Variants in OTOGL observed in about 807,000 individuals in gnomAD.
OTOGL encodes otogelin like, also known as otogelin-like protein.
Under a neutral mutation model 318.5 loss-of-function variants are expected in OTOGL, and 285 were observed. The observed-to-expected ratio is 0.89, with a 90% CI of 0.81 to 0.99. The LOEUF is 0.99. Among genes scored for constraint, OTOGL ranks in the 50% least tolerant of loss-of-function variants. The pLI, the probability that OTOGL is intolerant of heterozygous loss-of-function variation, is 0.00. For missense variants in OTOGL, 2,899 were observed against 2,845.6 expected, an observed-to-expected ratio of 1.02 and a Z score of -0.43; for synonymous variants, 987 against 936.5, an observed-to-expected ratio of 1.05 and a Z score of -0.99.
chr12:80,228,929 T>C (rs1367943808), intron 7 of OTOGL, among the ~76,000 whole-genome samples: 1 of 152,142 alleles, frequency 6.6e-6, no homozygotes, highest in Admixed American at 6.6e-5. Context: ...GGATGACAAA[T>C]GTGCTTCTTT....
chr12:80,308,005 C>T (rs1290320378), intron 29 of OTOGL, among the ~76,000 whole-genome samples: 2 of 140,106 alleles, frequency 1.4e-5, no homozygotes, highest in African/African-American at 5.5e-5. Flanking sequence ...CGGGCAGAGG[C>T]GCCCCTCACC....
chr12:80,368,386 C>CCA (rs1890683948), intron 55 of OTOGL, 77 bp downstream of exon 55: 2 of 874,856 alleles, frequency 2.3e-6, no homozygotes, highest in South Asian at 1.6e-5. Flanking sequence ...GAAAATGTCC[C>CCA]CCCCCACACA....
chr12:80,153,493 T>C (rs1285478715), intron 1 of OTOGL, among the ~76,000 whole-genome samples: 2 of 152,222 alleles, frequency 1.3e-5, no homozygotes, highest in Non-Finnish European at 2.9e-5. Flanking sequence ...TCTCTCATTA[T>C]CAACATCCCC....
chr12:80,121,896 A>G (rs1378965858), intron 1 of OTOGL, among the ~76,000 whole-genome samples: 1 of 152,310 alleles, frequency 6.6e-6, no homozygotes, highest in South Asian at 2.1e-4. Context: ...GCTGAGGAGT[A>G]AGAATGCAAG....
chr12:80,335,676 C>CA (rs56377483), intron 38 of OTOGL, among the ~76,000 whole-genome samples: 2 of 151,640 alleles, frequency 1.3e-5, no homozygotes, highest in East Asian at 1.9e-4. Context: ...AATTTGCTTG[C>CA]AAAAAAACTA....
At chr12:80,111,148 A>G (rs1350038307) in intron 1 of OTOGL, among the ~76,000 whole-genome samples, 1 of 152,150 alleles carries the variant, frequency 6.6e-6, no homozygotes, top group Admixed American at 6.5e-5. Context: ...GATTCTGGTT[A>G]TTAGACTTTT....
chr12:80,237,633 G>T (rs1426484388), intron 9 of OTOGL, among the ~76,000 whole-genome samples: 1 of 151,982 alleles, frequency 6.6e-6, no homozygotes, highest in African/African-American at 2.4e-5. Context: ...GATATATGAG[G>T]GGCAGAGCGG....
chr12:80,313,696 G>A, intron 31 of OTOGL, 64 bp downstream of exon 31: 1 of 1,352,638 alleles, frequency 7.4e-7, no homozygotes, highest in Non-Finnish European at 9.9e-7. Context: ...ATTAATTGTT[G>A]ATTTAGCTTA....
At chr12:80,249,539 C>T (rs1057058206) in intron 11 of OTOGL, among the ~76,000 whole-genome samples, 8 of 151,826 alleles carry the variant, frequency 5.3e-5, no homozygotes, top group South Asian at 2.1e-4. Flanking sequence ...TCTCCAGCTG[C>T]GTGCTGGGAG....
chr12:80,198,909 G>T (rs925427092), intron 1 of OTOGL, among the ~76,000 whole-genome samples: 1 of 152,104 alleles, frequency 6.6e-6, no homozygotes, highest in African/African-American at 2.4e-5. Flanking sequence ...GTGGTTTCCT[G>T]TGGCTGTTTT....
At chr12:80,116,406 T>A (rs1292608357) in intron 1 of OTOGL, among the ~76,000 whole-genome samples, 2 of 152,010 alleles carry the variant, frequency 1.3e-5, no homozygotes, top group South Asian at 2.1e-4. Context: ...CCCAGTGAGA[T>A]GAACTGGGTA....
rs1209930961 is a variant in OTOGL, at chr12:80,378,416, A to G, written c.*368A>G. On this transcript the variant is annotated 3_prime_UTR_variant, in exon 59 of 59. Transcript: ENST00000547103. ...TTAATTTGCAAAGTCTGCTATAGCTATCCAAATTAAGGTACCCTTTAATAT... is the reference window on the plus strand; with the variant it reads ...TTAATTTGCAAAGTCTGCTATAGCTGTCCAAATTAAGGTACCCTTTAATAT... 1.1e-5 allele frequency: 2 copies of G among 179,862 alleles called. No homozygotes were observed. The highest frequency in any genetic ancestry group is 2.9e-4 in the East Asian group (2 of 6,966). The allele number at this position is 179,862 out of a possible 1,614,324, so 11.1% of individuals were successfully genotyped here.
In OTOGL at chr12:80,313,527, A is replaced by C. The variant is rs1256165800; in HGVS notation, c.3502A>C (p.Asn1168His). The stretch of plus-strand genomic sequence containing the variant: ...TTGTCATGAAGATACATGTAACTGC[A>C]ATCTTGGTGGCGACTGTGAGTGTTT... The part of the protein sequence containing the change: ...KNCHEDTCNC[N>H]LGGDCECLCT... The change falls in exon 31 of 59, where the codon AAT (asparagine) becomes CAT (histidine). Residue 1168 changes from asparagine to histidine, a missense_variant. By Grantham distance (68) the Asn-to-His change is moderately conservative. This residue lies in a region of OTOGL where 2,607 missense variants were observed against 2,524.9 expected (regional missense o/e 1.03). Transcript: ENST00000547103. 10 of 1,612,610 alleles carry C rather than the reference A, an allele frequency of 6.2e-6. No homozygotes were observed. The highest frequency in any genetic ancestry group is 6.8e-6 in the Non-Finnish European group (8 of 1,178,846).
chr12:80,306,324 C>T (rs1264967340), intron 29 of OTOGL, among the ~76,000 whole-genome samples: 1 of 152,144 alleles, frequency 6.6e-6, no homozygotes, highest in African/African-American at 2.4e-5. Context: ...TATTAATTCT[C>T]AAGGAAGTAG....
intron 38 of OTOGL, among the ~76,000 whole-genome samples, chr12:80,334,225 G>T (rs1888256643): frequency 6.6e-6 from 1 of 152,128 alleles, no homozygotes; most frequent in South Asian, 2.1e-4. Flanking sequence ...ATATTTTGAA[G>T]GTAGAAAGAT....
At chr12:80,297,732 G>C (rs1464670814) in intron 27 of OTOGL, among the ~76,000 whole-genome samples, 1 of 152,138 alleles carries the variant, frequency 6.6e-6, no homozygotes, top group Admixed American at 6.5e-5. Context: ...TGCCAGTCTG[G>C]CTGTTACCCA....
At chr12:80,364,225 G>A (rs1890396721) in intron 52 of OTOGL, among the ~76,000 whole-genome samples, 1 of 151,922 alleles carries the variant, frequency 6.6e-6, no homozygotes, top group African/African-American at 2.4e-5. Context: ...TAACATTCGT[G>A]GCTTTACACA....
intron 54 of OTOGL, 92 bp downstream of exon 54, chr12:80,367,831 T>A: frequency 1.2e-6 from 1 of 813,150 alleles, no homozygotes; most frequent in Non-Finnish European, 1.8e-6. Flanking sequence ...CTCCATTAGT[T>A]TAAAATATAT....
intron 5 of OTOGL, among the ~76,000 whole-genome samples, chr12:80,219,106 C>T (rs1878027936): frequency 6.6e-6 from 1 of 151,504 alleles, no homozygotes; most frequent in Admixed American, 6.6e-5. Flanking sequence ...TAATGATTGA[C>T]CCGATTCTTT....
Sources: gnomAD v4.1 joint callset for allele counts (sites outside exome capture counted in the v4.1 genomes callset) on GRCh38, gnomAD v4.1.1 for gene constraint, gnomAD v4.1.1 regional missense constraint, MANE v1.5 for transcripts, NCBI Gene and HGNC (gene_info 2026-07-23, HGNC 2026-07-21) for gene names.